The following PCBP3 variants were observed in gnomAD, a reference collection of about 807,000 sequenced individuals.
PCBP3 encodes poly(rC)-binding protein 3.
Under a neutral mutation model 52.7 loss-of-function variants are expected in PCBP3, and 25 were observed. The observed-to-expected ratio is 0.47, with a 90% confidence interval of 0.35 to 0.66. The LOEUF is 0.66. PCBP3 is among the 30% of genes least tolerant of loss of function. The pLI, the probability that PCBP3 is intolerant of heterozygous loss-of-function variation, is 0.01. For synonymous variants in PCBP3, 162 were observed against 183.0 expected (o/e 0.89, Z 0.93); for missense variants, 391 against 490.3 (o/e 0.80, Z 1.91).
At chr21:45,922,588 C>T (rs749847791) in intron 13 of PCBP3, among the ~76,000 whole-genome samples, 6 of 152,204 alleles carry the variant, frequency 3.9e-5, no homozygotes, top group Admixed American at 6.5e-5. Flanking sequence ...ATATACAAAT[C>T]TTTATTTCTA....
chr21:45,867,245 T>C (rs1415793249), intron 5 of PCBP3, among the ~76,000 whole-genome samples: 2 of 152,226 alleles, frequency 1.3e-5, no homozygotes, highest in Admixed American at 1.3e-4. Flanking sequence ...GCGCCGGATC[T>C]GAGGCAGGGC....
rs1006357152 is a variant in PCBP3 at position 45,788,897 on chromosome 21, A to G, written c.-126+33445A>G. Among the ~76,000 whole-genome samples the G allele has an allele frequency of 1.3e-5, 2 of 152,206 alleles. No individual in the cohort carries two copies. The highest frequency in any genetic ancestry group is 2.4e-5 in the African/African-American group (1 of 41,456). ...TTAGAAACACAGTGGAGCTAATGAC[A>G]CATTTCAGAATTAGAAATGGTTTTA... On this transcript the variant is annotated intron_variant, in intron 4 of 17. Coordinates refer to ENST00000681687, the MANE Select transcript of PCBP3 (RefSeq NM_001384156.1). The surrounding 1 kb of genome is among the most constrained non-coding windows in gnomAD (Gnocchi z 4.3).
chr21:45,859,985 A>G (rs1256596721), intron 5 of PCBP3, among the ~76,000 whole-genome samples: 1 of 152,200 alleles, frequency 6.6e-6, no homozygotes, highest in Non-Finnish European at 1.5e-5. Context: ...CAGCCCAGGG[A>G]TGGCCGGTGC....
chr21:45,891,855 G>A (rs1277724576), intron 5 of PCBP3, among the ~76,000 whole-genome samples: 2 of 152,172 alleles, frequency 1.3e-5, no homozygotes, highest in Non-Finnish European at 2.9e-5. Flanking sequence ...ACAGCCCCGG[G>A]GCCTCTGCGC....
intron 5 of PCBP3, among the ~76,000 whole-genome samples, chr21:45,884,665 G>A (rs145163462): frequency 2.0e-4 from 30 of 151,926 alleles, no homozygotes; most frequent in East Asian, 3.9e-4. Flanking sequence ...GGCTCCAGCC[G>A]TCCTCCCACC....
chr21:45,824,770 C>A (rs549493846), intron 4 of PCBP3, among the ~76,000 whole-genome samples: 1 of 152,194 alleles, frequency 6.6e-6, no homozygotes, highest in East Asian at 1.9e-4. Context: ...TGCATCCACC[C>A]GGATTCACCC....
rs1414348048 is a variant in PCBP3, at chr21:45,930,746, G to C, written c.797-40G>C. 3 of 955,214 alleles carry C rather than the reference G, an allele frequency of 3.1e-6. No individual in the cohort carries two copies. The South Asian group carries it at 3.9e-5, about 12-fold the overall frequency. 59.2% of individuals were successfully genotyped at this position (955,214 alleles called of 1,614,324 possible). A position where few individuals can be genotyped will look rare whatever the true frequency, so the allele number is the denominator to read the frequency against. On this transcript the variant is annotated intron_variant, in intron 14 of 17. Transcript: ENST00000681687. The stretch of plus-strand genomic sequence containing the variant: ...TTGAAGGGACCCTGCTTATCTCCTT[G>C]AGGGCAAAACATTAAACCTGTCTCT...
Position 45,661,498 on chromosome 21 carries a change from G to A in PCBP3, c.-278-7376G>A, listed in dbSNP as rs552103451. ...AAAGGACATGATTTCATTTTTTTATGTGGCTTAGTAGTATTTTTTGGTATA... is the reference window on the plus strand; with the variant it reads ...AAAGGACATGATTTCATTTTTTTATATGGCTTAGTAGTATTTTTTGGTATA... On this transcript the variant is annotated intron_variant, in intron 1 of 17. Coordinates refer to ENST00000681687, the MANE Select transcript of PCBP3 (RefSeq NM_001384156.1). 3.9e-5 allele frequency among the ~76,000 whole-genome samples: 6 copies of A among 152,210 alleles called. No individual in the cohort carries two copies. The South Asian group carries it at 1.2e-3, about 32-fold the overall frequency.
rs370899830 is a variant in PCBP3 at position 45,941,697 on chromosome 21, C to A, written c.1107C>A (p.Gly369=). Residue 369 remains glycine, a synonymous_variant, in exon 18 of 18, where the codon GGC becomes GGA. Coordinates refer to ENST00000681687, the MANE Select transcript of PCBP3 (RefSeq NM_001384156.1). The part of the protein sequence containing the change: ...ARLTSEVTGM[G]TL ...TGACGTCCGAGGTCACCGGGATGGG[C>A]ACGCTGTAATCCTACCCAGCACCCT... is the stretch of plus-strand genomic sequence containing the variant. 6.2e-7 allele frequency: 1 copy of A among 1,606,562 alleles called. No homozygotes were observed. The highest frequency in any genetic ancestry group is 8.5e-7 in the Non-Finnish European group (1 of 1,176,508).
chr21:45,899,231 A>G (rs1474423168), intron 6 of PCBP3, among the ~76,000 whole-genome samples: 1 of 152,234 alleles, frequency 6.6e-6, no homozygotes, highest in Non-Finnish European at 1.5e-5. Flanking sequence ...CAATTGAAGG[A>G]GGCTTTATTT....
At chr21:45,890,623 T>C (rs545571113) in intron 5 of PCBP3, among the ~76,000 whole-genome samples, 1 of 57,280 alleles carries the variant, frequency 1.7e-5, no homozygotes, top group Admixed American at 1.5e-4. Flanking sequence ...TAATAGAACC[T>C]GGAACTCTGT....
At chr21:45,714,219 C>T (rs537247598) in intron 2 of PCBP3, among the ~76,000 whole-genome samples, 15 of 152,206 alleles carry the variant, frequency 9.9e-5, no homozygotes, top group African/African-American at 3.4e-4. Context: ...CTCTGGGACT[C>T]TCCCATCAAC....
rs78209747 is a variant in PCBP3 at position 45,715,758 on chromosome 21, A to C, written c.-199-19634A>C. On this transcript the variant is annotated intron_variant, in intron 2 of 17. Coordinates refer to ENST00000681687, the MANE Select transcript of PCBP3 (RefSeq NM_001384156.1). ...GACTGATGATGTTGGAAAGCTTTTC[A>C]TGTGCTTACTGGCCATTTGCATATA... Among the ~76,000 whole-genome samples, 877 of 152,264 alleles carry C rather than the reference A, an allele frequency of 5.8e-3. 9 individuals carry two copies. The highest frequency in any genetic ancestry group is 0.02 in the African/African-American group (846 of 41,548).
At position 45,736,374 on chromosome 21, in the gene PCBP3, G is replaced by T. The variant is rs1446408188; in HGVS notation, c.-162+945G>T. Among the ~76,000 whole-genome samples the T allele has an allele frequency of 6.6e-6, 1 of 152,198 alleles. No individual in the cohort carries two copies. The highest frequency in any genetic ancestry group is 1.5e-5 in the Non-Finnish European group (1 of 68,038). On this transcript the variant is annotated intron_variant, in intron 3 of 17. Transcript: ENST00000681687. This position sits in a 1 kb window ranked among gnomAD's most constrained non-coding sequence, Gnocchi z 4.6. ...GAGCTGCCTTGTTGATGGGACGTGG[G>T]TCGGAGCTCCCAGTGTGTCTTGCCT...
intron 2 of PCBP3, among the ~76,000 whole-genome samples, chr21:45,683,707 A>C (rs969951415): frequency 6.6e-6 from 1 of 152,104 alleles, no homozygotes; most frequent in Non-Finnish European, 1.5e-5. Context: ...CGGGCAGATC[A>C]CGAGGTCAGG....
At chr21:45,660,142 C>A (rs1603166725) in intron 1 of PCBP3, among the ~76,000 whole-genome samples, 1 of 151,780 alleles carries the variant, frequency 6.6e-6, no homozygotes, top group Non-Finnish European at 1.5e-5. Context: ...TATGTATACA[C>A]ACACACATAT....
Position 45,911,150 on chromosome 21 carries a change from G to A in PCBP3, c.600+120G>A, listed in dbSNP as rs570749828. 377 of 1,170,474 alleles carry A rather than the reference G, an allele frequency of 3.2e-4. 7 individuals carry two copies. In the South Asian group the frequency reaches 4.0e-3, roughly 12 times the overall value. 72.5% of individuals were successfully genotyped at this position (1,170,474 alleles called of 1,614,324 possible). The stretch of plus-strand genomic sequence containing the variant: ...ACTCACACAGTTGGGGCTGTGGGGG[G>A]CTCCTGACCCCAAGTCAGCCTGAGC... On this transcript the variant is annotated intron_variant, in intron 11 of 17. Coordinates refer to ENST00000681687, the MANE Select transcript of PCBP3 (RefSeq NM_001384156.1).
At chr21:45,863,574 G>T (rs1281782853) in intron 5 of PCBP3, among the ~76,000 whole-genome samples, 1 of 152,232 alleles carries the variant, frequency 6.6e-6, no homozygotes, top group Non-Finnish European at 1.5e-5. Flanking sequence ...CATGTGCCTG[G>T]CCCATGTCAC....
At chr21:45,775,058 T>C (rs1056850520) in intron 4 of PCBP3, among the ~76,000 whole-genome samples, 1 of 152,188 alleles carries the variant, frequency 6.6e-6, no homozygotes, top group Non-Finnish European at 1.5e-5. Context: ...TTCTCTTTGA[T>C]ATTTTGGAGT....
Sources: allele counts gnomAD v4.1 joint callset (sites outside exome capture counted in the v4.1 genomes callset), GRCh38; gene constraint gnomAD v4.1.1; non-coding constraint Gnocchi (gnomAD v3.1); transcripts MANE v1.5; gene names NCBI Gene and HGNC (gene_info 2026-07-23, HGNC 2026-07-21).